The following KCNK10 variants were observed in gnomAD, a reference collection of about 807,000 sequenced individuals.
KCNK10 encodes potassium channel subfamily K member 10.
KCNK10 carries 25 observed loss-of-function variants against 47.7 expected under a neutral mutation model. That is an observed-to-expected ratio of 0.52 (90% CI 0.38 to 0.73). The LOEUF is 0.73. Ranked by LOEUF, KCNK10 falls within the 30% of genes least tolerant of loss-of-function variation. KCNK10 has a pLI of 0.00. For synonymous variants in KCNK10, 303 were observed against 285.6 expected, an observed-to-expected ratio of 1.06 and a Z score of -0.61; for missense variants, 563 against 714.5, an observed-to-expected ratio of 0.79 and a Z score of 2.42.
chr14:88,326,841 G>A, upstream of KCNK10: 1 of 251,004 alleles, frequency 4.0e-6, no homozygotes, highest in Non-Finnish European at 7.6e-6. Flanking sequence ...CGAGTTGGCT[G>A]GCTCCCTTAC....
chr14:88,238,515 T>C (rs1405459237), intron 3 of KCNK10, among the ~76,000 whole-genome samples: 3 of 151,854 alleles, frequency 2.0e-5, no homozygotes, highest in African/African-American at 7.3e-5. Flanking sequence ...TAGAAAAAAA[T>C]GTTTAAAAAA....
At chr14:88,189,849 C>T (rs1005563299) in intron 5 of KCNK10, among the ~76,000 whole-genome samples, 20 of 152,212 alleles carry the variant, frequency 1.3e-4, no homozygotes, top group Non-Finnish European at 2.9e-5. Context: ...TAGAGATAAA[C>T]TTCCAGTCTT....
chr14:88,192,452 C>T, intron 4 of KCNK10, 42 bp from the exon 5 acceptor site: 1 of 1,553,754 alleles, frequency 6.4e-7, no homozygotes, highest in South Asian at 1.1e-5. Context: ...TCAGCGGCAT[C>T]ACCCTGGATT....
intron 1 of KCNK10, among the ~76,000 whole-genome samples, chr14:88,277,321 C>A (rs918636803): frequency 6.6e-6 from 1 of 152,156 alleles, no homozygotes. Context: ...AAATACCCTA[C>A]CAAACAGCTT....
chr14:88,196,868 T>TCCA (rs1324070406), intron 4 of KCNK10, among the ~76,000 whole-genome samples: 2 of 152,254 alleles, frequency 1.3e-5, no homozygotes, highest in Non-Finnish European at 2.9e-5. Context: ...AGATTTATTT[T>TCCA]AGAAGGTTCA....
At chr14:88,274,805 C>T (rs1178790684) in intron 1 of KCNK10, among the ~76,000 whole-genome samples, 1 of 152,142 alleles carries the variant, frequency 6.6e-6, no homozygotes, top group African/African-American at 2.4e-5. Flanking sequence ...TGCATGCCCC[C>T]TGTGTGCCAG....
At chr14:88,291,226 T>A (rs886363616) in intron 1 of KCNK10, among the ~76,000 whole-genome samples, 2 of 152,048 alleles carry the variant, frequency 1.3e-5, no homozygotes, top group Non-Finnish European at 2.9e-5. Flanking sequence ...ACCCCGCCCC[T>A]CGTTCCCCAC....
At chr14:88,253,168 C>T (rs1182426606) in intron 2 of KCNK10, among the ~76,000 whole-genome samples, 2 of 152,130 alleles carry the variant, frequency 1.3e-5, no homozygotes, top group Admixed American at 1.3e-4. Context: ...CTCTCTAGCA[C>T]CCAGCCAGCA....
chr14:88,298,581 T>A (rs1888033934), intron 1 of KCNK10, among the ~76,000 whole-genome samples: 1 of 152,190 alleles, frequency 6.6e-6, no homozygotes, highest in African/African-American at 2.4e-5. Flanking sequence ...TCTCAGTGAC[T>A]ATTTAAACCT....
intron 1 of KCNK10, among the ~76,000 whole-genome samples, chr14:88,277,374 C>A (rs1198055041): frequency 6.6e-6 from 1 of 152,224 alleles, no homozygotes; most frequent in Admixed American, 6.5e-5. Flanking sequence ...TCTGAAGTGG[C>A]TCCTCTAATG....
At chr14:88,325,790 C>A (rs1476864288), upstream of KCNK10, among the ~76,000 whole-genome samples, 20 of 152,192 alleles carry the variant, frequency 1.3e-4, no homozygotes, top group Admixed American at 1.3e-3. Context: ...AGGAACTGCA[C>A]CCTTAGGATG....
At chr14:88,253,556 C>T (rs1886858144) in intron 2 of KCNK10, among the ~76,000 whole-genome samples, 1 of 151,924 alleles carries the variant, frequency 6.6e-6, no homozygotes, top group Non-Finnish European at 1.5e-5. Flanking sequence ...TAATACTCAT[C>T]AAACACAGTA....
intron 2 of KCNK10, among the ~76,000 whole-genome samples, chr14:88,252,629 C>G (rs568200037): frequency 6.6e-6 from 1 of 152,066 alleles, no homozygotes; most frequent in South Asian, 2.1e-4. Context: ...AGGTTCATAC[C>G]CAGGACCACA....
At chr14:88,267,524 C>T (rs1302627290) in intron 1 of KCNK10, among the ~76,000 whole-genome samples, 6 of 152,052 alleles carry the variant, frequency 3.9e-5, no homozygotes, top group African/African-American at 1.5e-4. Flanking sequence ...GCGTGCACCA[C>T]CATGCCCGGC....
chr14:88,209,261 T>C (rs945896405), intron 4 of KCNK10, among the ~76,000 whole-genome samples: 3 of 152,222 alleles, frequency 2.0e-5, no homozygotes, highest in Non-Finnish European at 4.4e-5. Flanking sequence ...TTTCAAGATC[T>C]GGTAAGAGCA....
chr14:88,251,487 G>C (rs917953440), intron 2 of KCNK10, among the ~76,000 whole-genome samples: 2 of 152,036 alleles, frequency 1.3e-5, no homozygotes, highest in African/African-American at 4.8e-5. Flanking sequence ...GCCCATAAAG[G>C]CTTCCCCCAA....
chr14:88,326,691 A>T (rs547416302), upstream of KCNK10: 94 of 559,730 alleles, frequency 1.7e-4, no homozygotes, highest in Non-Finnish European at 4.4e-5. Flanking sequence ...GCTACCGGGC[A>T]CGGGTCTCTG....
chr14:88,188,141 A>G (rs761230172), intron 5 of KCNK10, 32 bp from the exon 6 acceptor site: 29 of 1,611,720 alleles, frequency 1.8e-5, no homozygotes, highest in Non-Finnish European at 2.3e-5. Flanking sequence ...TTTAACCATG[A>G]TCTAGCATAT....
At chr14:88,190,853 A>G (rs896149338) in intron 5 of KCNK10, among the ~76,000 whole-genome samples, 4 of 152,122 alleles carry the variant, frequency 2.6e-5, no homozygotes, top group African/African-American at 9.7e-5. Context: ...TCTCTTCCAG[A>G]ATTTCCTGTT....
Sources: gnomAD v4.1 joint callset for allele counts (sites outside exome capture counted in the v4.1 genomes callset) on GRCh38, gnomAD v4.1.1 for gene constraint, MANE v1.5 for transcripts, NCBI Gene and HGNC (gene_info 2026-07-23, HGNC 2026-07-21) for gene names.